The following HNF4A variants were observed in gnomAD, a reference collection of about 807,000 sequenced individuals.
HNF4A encodes hepatocyte nuclear factor 4-alpha.
HNF4A carries 15 observed loss-of-function variants against 52.4 expected under a neutral mutation model. The ratio of observed to expected loss-of-function variants is 0.29; its 90% confidence interval spans 0.19 to 0.44. The LOEUF is 0.44. Ranked by LOEUF, HNF4A falls within the 20% of genes least tolerant of loss-of-function variation. The pLI is 1.00. For synonymous variants in HNF4A, 280 were observed against 264.4 expected (o/e 1.06, Z -0.57); for missense variants, 479 against 647.2 (o/e 0.74, Z 2.82).
At chr20:44,419,335 C>G (rs1344893104) in intron 6 of HNF4A, among the ~76,000 whole-genome samples, 4 of 152,220 alleles carry the variant, frequency 2.6e-5, no homozygotes, top group Non-Finnish European at 5.9e-5. Context: ...GGTTAAGTAA[C>G]TTATCCAACT....
chr20:44,390,358 A>G (rs920214174), intron 1 of HNF4A: 1 of 445,910 alleles, frequency 2.2e-6, no homozygotes, highest in Non-Finnish European at 4.0e-6. Flanking sequence ...AGCAGGACCC[A>G]GGAGTCCAGA....
At chr20:44,433,408 C>T, downstream of HNF4A, 1 of 154,334 alleles carries the variant, frequency 6.5e-6, no homozygotes, top group Non-Finnish European at 1.4e-5. Flanking sequence ...AGGCTGTGCA[C>T]AGTGGCTCAC....
At chr20:44,406,373 C>A in intron 2 of HNF4A, 141 bp downstream of exon 2, 1 of 720,372 alleles carries the variant, frequency 1.4e-6, no homozygotes, top group Non-Finnish European at 2.4e-6. Flanking sequence ...TTGTAAAAGA[C>A]TTTGTGAATC....
chr20:44,417,203 C>T (rs974281848), intron 5 of HNF4A, among the ~76,000 whole-genome samples: 2 of 152,198 alleles, frequency 1.3e-5, no homozygotes, highest in Non-Finnish European at 2.9e-5. Flanking sequence ...TCCAAACTCC[C>T]TAACCCAACC....
chr20:44,417,893 T>C (rs2063687199), intron 5 of HNF4A, among the ~76,000 whole-genome samples: 1 of 148,760 alleles, frequency 6.7e-6, no homozygotes, highest in African/African-American at 2.5e-5. Flanking sequence ...CACTTGAACC[T>C]GGGAGGCGGA....
In HNF4A at chr20:44,355,865, T is replaced by G; in HGVS notation, c.49+12T>G. 2 of 1,609,504 alleles carry G rather than the reference T, an allele frequency of 1.2e-6. No individual in the cohort carries two copies. The highest frequency in any genetic ancestry group is 1.7e-6 in the Non-Finnish European group (2 of 1,176,532). ...GGAGAGTTCTTACGGTAAGTGGGGC[T>G]GGGGGAAGACTGGACAGGGCGGGAC... is the stretch of plus-strand genomic sequence containing the variant. On this transcript the variant is annotated intron_variant, in intron 1 of 9. Coordinates refer to the HNF4A transcript ENST00000316673.
In HNF4A at chr20:44,370,691, A is replaced by G. The variant is rs113577369; in HGVS notation, c.49+14838A>G. On this transcript the variant is annotated intron_variant, in intron 1 of 9. Transcript: ENST00000316673. ...GCATGTAGAACAGTGCTTGACACAC[A>G]GTAGGCGCCCCATAAGTATTTGCGG... Among the ~76,000 whole-genome samples, 933 of 152,318 alleles carry G rather than the reference A, an allele frequency of 6.1e-3. 11 individuals are homozygous for G. Among genetic ancestry groups the G allele is most frequent in the African/African-American group, 0.021 (871 of 41,576 alleles).
chr20:44,355,942 G>A, intron 1 of HNF4A, 89 bp downstream of exon 1: 2 of 1,151,938 alleles, frequency 1.7e-6, no homozygotes, highest in East Asian at 2.5e-5. Flanking sequence ...TTTCTTACGG[G>A]CCCAAAGCTC....
intron 1 of HNF4A, among the ~76,000 whole-genome samples, chr20:44,405,394 A>G (rs1416499561): frequency 6.6e-6 from 1 of 152,204 alleles, no homozygotes; most frequent in Non-Finnish European, 1.5e-5. Flanking sequence ...GCCCAAGTTT[A>G]CAGGCGAGTT....
chr20:44,385,305 A>G (rs527972283), intron 1 of HNF4A, among the ~76,000 whole-genome samples: 31 of 151,660 alleles, frequency 2.0e-4, no homozygotes, highest in Admixed American at 4.6e-4. Flanking sequence ...GGCACCTGGT[A>G]TCAGAAGTGC....
intron 1 of HNF4A, among the ~76,000 whole-genome samples, chr20:44,371,844 C>T (rs2063037375): frequency 6.6e-6 from 1 of 151,892 alleles, no homozygotes; most frequent in Non-Finnish European, 1.5e-5. Context: ...AAAGAAAATC[C>T]CAACTTTCAC....
chr20:44,391,899 C>T (rs765053766), intron 1 of HNF4A: 7 of 152,210 alleles, frequency 4.6e-5, no homozygotes, highest in Non-Finnish European at 1.0e-4. Context: ...TCTCAATTTA[C>T]ACCTTTTATG....
In HNF4A at chr20:44,407,356, T is replaced by A. The variant is rs200071662; in HGVS notation, c.291-25T>A. 34 of 1,569,878 alleles carry A rather than the reference T, an allele frequency of 2.2e-5. No individual in the cohort carries two copies. The East Asian group carries it at 7.0e-4, about 32-fold the overall frequency. Reference sequence around the variant, plus strand: ...AGAGGAGGAAGTTGTGTCTTCTCCATCCAACCATCCAAAGCCCTCCCCAGA... The same window carrying A: ...AGAGGAGGAAGTTGTGTCTTCTCCAACCAACCATCCAAAGCCCTCCCCAGA... On this transcript the variant is annotated intron_variant, in intron 2 of 9. Coordinates refer to ENST00000316099, the MANE Select transcript of HNF4A (RefSeq NM_000457.6).
downstream of HNF4A, chr20:44,433,248 T>C (rs1299596505): frequency 6.6e-6 from 1 of 152,370 alleles, no homozygotes; most frequent in Non-Finnish European, 1.5e-5. Flanking sequence ...CAAGGGTCTG[T>C]CATCCTCCAC....
intron 1 of HNF4A, among the ~76,000 whole-genome samples, chr20:44,368,969 T>C (rs918759699): frequency 2.0e-5 from 3 of 151,992 alleles, no homozygotes; most frequent in African/African-American, 4.8e-5. Context: ...AACAAGAGGC[T>C]GGGCACGGTG....
chr20:44,394,787 G>A (rs929384394), intron 1 of HNF4A, among the ~76,000 whole-genome samples: 3 of 152,220 alleles, frequency 2.0e-5, no homozygotes, highest in Admixed American at 6.5e-5. Flanking sequence ...TGCCCACCCA[G>A]GCCTTTTCAG....
chr20:44,374,912 C>T (rs1396228108), intron 1 of HNF4A, among the ~76,000 whole-genome samples: 1 of 152,172 alleles, frequency 6.6e-6, no homozygotes, highest in Non-Finnish European at 1.5e-5. Context: ...TGAGAAATCT[C>T]CAAATAGCTT....
At chr20:44,379,922 T>G (rs891845705) in intron 1 of HNF4A, among the ~76,000 whole-genome samples, 11 of 152,180 alleles carry the variant, frequency 7.2e-5, no homozygotes, top group African/African-American at 1.7e-4. Context: ...TTAGTAGAGA[T>G]GGGGTTTCAC....
At chr20:44,386,943 C>G (rs1568704596) in intron 1 of HNF4A, among the ~76,000 whole-genome samples, 1 of 152,184 alleles carries the variant, frequency 6.6e-6, no homozygotes, top group Non-Finnish European at 1.5e-5. Flanking sequence ...GTTTACATCA[C>G]TATCAGTTCC....
Sources: allele counts gnomAD v4.1 joint callset (sites outside exome capture counted in the v4.1 genomes callset), GRCh38; gene constraint gnomAD v4.1.1; transcripts MANE v1.5; gene names NCBI Gene and HGNC (gene_info 2026-07-23, HGNC 2026-07-21).